NHS: variants seen among roughly 807,000 people sequenced by gnomAD.
NHS encodes NHS actin remodeling regulator.
Under a neutral mutation model 72.5 loss-of-function variants are expected in NHS, and 5 were observed. The observed-to-expected ratio is 0.07, with a 90% confidence interval of 0.04 to 0.14. The LOEUF (loss-of-function observed/expected upper bound fraction) is 0.14, where lower values mean the gene tolerates loss of function less well. Ranked by LOEUF, NHS falls within the 10% of genes least tolerant of loss-of-function variation. The probability of loss-of-function intolerance (pLI) is 1.00; values close to 1 mark genes in which losing one functional copy is unlikely to be tolerated. For synonymous variants in NHS, 464 were observed against 547.7 expected (o/e 0.85, Z 2.13); for missense variants, 1,072 against 1,355.7 (o/e 0.79, Z 3.29).
chrX:17,377,756 G>C (rs748856176), intron 1 of NHS, among the ~76,000 whole-genome samples: 30 of 113,396 alleles, frequency 2.6e-4, no homozygotes, highest in Non-Finnish European at 2.4e-4. Flanking sequence ...TGATGTGCTC[G>C]ATCGGTTTTC....
At chrX:17,572,089 T>C (rs2065482410) in intron 1 of NHS, among the ~76,000 whole-genome samples, 1 of 111,970 alleles carries the variant, frequency 8.9e-6, no homozygotes, top group African/African-American at 3.3e-5. Context: ...CTTCCAATTA[T>C]GTGGTCAATT....
rs374726103 is a variant in NHS, at chrX:17,555,228, A to AT, written c.566-132498dup. 3.1e-3 allele frequency among the ~76,000 whole-genome samples: 247 copies of AT among 80,401 alleles called. 2 individuals carry two copies. Among genetic ancestry groups the AT allele is most frequent in the Non-Finnish European group, 4.1e-3 (160 of 39,437 alleles). The allele number at this position is 80,401 out of a possible 115,157, so 69.8% of individuals were successfully genotyped here. ...AGTGGGGTGGGGCTGGCAGCGGGTTATTTTTTTTTTTTTTTTCAAACCTTG... is the reference window on the plus strand; with the variant it reads ...AGTGGGGTGGGGCTGGCAGCGGGTTATTTTTTTTTTTTTTTTTCAAACCTTG... On this transcript the variant is annotated intron_variant, in intron 1 of 8. Coordinates refer to ENST00000676302, the MANE Select transcript of NHS (RefSeq NM_001291867.2).
At chrX:17,674,449 T>A (rs188501965) in intron 1 of NHS, among the ~76,000 whole-genome samples, 1 of 112,518 alleles carries the variant, frequency 8.9e-6, no homozygotes, top group Non-Finnish European at 1.9e-5. Context: ...AATATTCAAC[T>A]ATTTTGACCT....
rs2066489070 is a variant in NHS, at chrX:17,731,887, A to G, written c.4379A>G (p.Asp1460Gly). ...AAGAGGAAAGTACTTGGAAGAAAAG[A>G]TTCCGGGGACATGTCTGTTCGAAGC... ...RSKRKVLGRK[D>G]SGDMSVRSKS... The change falls in exon 9 of 9, where the codon GAT becomes GGT. Residue 1460 changes from aspartate (D) to glycine (G), a missense_variant. Asp to Gly is a moderately conservative substitution (Grantham distance 94). Coordinates refer to ENST00000676302, the MANE Select transcript of NHS (RefSeq NM_001291867.2). 8.3e-7 allele frequency: 1 copy of G among 1,202,524 alleles called. No homozygotes were observed. Among genetic ancestry groups the G allele is most frequent in the Non-Finnish European group, 1.1e-6 (1 of 890,162 alleles).
chrX:17,425,928 C>T (rs1183577745), intron 1 of NHS: 2 of 112,486 alleles, frequency 1.8e-5, no homozygotes, highest in African/African-American at 3.2e-5. Flanking sequence ...CTGTGATGTC[C>T]AGGAGATCCA....
At chrX:17,501,456 C>T (rs1482959383) in intron 1 of NHS, among the ~76,000 whole-genome samples, 1 of 110,933 alleles carries the variant, frequency 9.0e-6, no homozygotes, top group Non-Finnish European at 1.9e-5. Context: ...GTGGGTGGGG[C>T]CCGCACAGTG....
intron 3 of NHS, among the ~76,000 whole-genome samples, chrX:17,701,016 A>G (rs2066260676): frequency 8.9e-6 from 1 of 112,136 alleles, no homozygotes. Flanking sequence ...TACCTTTTCT[A>G]TGTTTACCTG....
At chrX:17,710,515 T>C (rs936678453) in intron 3 of NHS, among the ~76,000 whole-genome samples, 3 of 112,378 alleles carry the variant, frequency 2.7e-5, no homozygotes, top group African/African-American at 9.7e-5. Flanking sequence ...TTATTCTGGG[T>C]GAAAGAAACC....
intron 1 of NHS, among the ~76,000 whole-genome samples, chrX:17,620,654 C>A (rs2065768616): frequency 9.0e-6 from 1 of 110,946 alleles, no homozygotes; most frequent in Non-Finnish European, 1.9e-5. Context: ...CCCGAAGATT[C>A]CATAGTCAGG....
chrX:17,537,628 C>G (rs1000594448), intron 1 of NHS, among the ~76,000 whole-genome samples: 15 of 112,139 alleles, frequency 1.3e-4, no homozygotes. Flanking sequence ...AGCAGAGTGG[C>G]TAAGTCAAGT....
At chrX:17,420,610 C>T (rs2064618552) in intron 1 of NHS, among the ~76,000 whole-genome samples, 1 of 112,062 alleles carries the variant, frequency 8.9e-6, no homozygotes, top group Non-Finnish European at 1.9e-5. Flanking sequence ...ATCCATCTGT[C>T]GTTCACCAGA....
At chrX:17,516,926 G>A (rs1033816651) in intron 1 of NHS, among the ~76,000 whole-genome samples, 1 of 112,461 alleles carries the variant, frequency 8.9e-6, no homozygotes, top group African/African-American at 3.2e-5. Context: ...CAAGTTTGAT[G>A]AAAGACATCA....
At chrX:17,673,419 A>G (rs1462372189) in intron 1 of NHS, among the ~76,000 whole-genome samples, 1 of 111,329 alleles carries the variant, frequency 9.0e-6, no homozygotes, top group African/African-American at 3.3e-5. Flanking sequence ...TGGGGCAGAA[A>G]GATCTTGGGC....
chrX:17,616,761 C>A (rs951379926), intron 1 of NHS, among the ~76,000 whole-genome samples: 2 of 112,115 alleles, frequency 1.8e-5, no homozygotes, highest in African/African-American at 6.5e-5. Flanking sequence ...AAAATTTTCC[C>A]AATAACTGGA....
At chrX:17,420,242 A>G (rs1435580573) in intron 1 of NHS, among the ~76,000 whole-genome samples, 1 of 112,285 alleles carries the variant, frequency 8.9e-6, no homozygotes, top group Non-Finnish European at 1.9e-5. Context: ...TTTATTTGCT[A>G]GTGCTTTGTT....
chrX:17,509,251 G>A (rs1426717262), intron 1 of NHS, among the ~76,000 whole-genome samples: 2 of 108,687 alleles, frequency 1.8e-5, no homozygotes, highest in African/African-American at 6.9e-5. Flanking sequence ...TTATGAGACA[G>A]AGTCTTACTC....
intron 1 of NHS, among the ~76,000 whole-genome samples, chrX:17,607,323 C>G (rs2065685518): frequency 8.9e-6 from 1 of 111,846 alleles, no homozygotes. Context: ...CAAGCATCTC[C>G]TCTTAAGCAC....
intron 2 of NHS, among the ~76,000 whole-genome samples, chrX:17,690,805 T>C (rs1177972506): frequency 8.9e-6 from 1 of 112,215 alleles, no homozygotes; most frequent in Non-Finnish European, 1.9e-5. Flanking sequence ...CTCTGATTAC[T>C]TTTTTTCCCC....
At position 17,659,909 on chromosome X, in the gene NHS, C is replaced by T. The variant is rs186174500; in HGVS notation, c.566-27833C>T. ...GCAAACAAGTGACAAATTTGGGATT[C>T]GATCCTGGGCACTATGGCTCCAGAA... On this transcript the variant is annotated intron_variant, in intron 1 of 8. Coordinates refer to ENST00000676302, the MANE Select transcript of NHS (RefSeq NM_001291867.2). Among the ~76,000 whole-genome samples, 3 of 112,066 alleles carry T rather than the reference C, an allele frequency of 2.7e-5. No homozygotes were observed. The East Asian group carries it at 8.4e-4, about 31-fold the overall frequency.
Sources: gnomAD v4.1 joint callset for allele counts (sites outside exome capture counted in the v4.1 genomes callset) on GRCh38, gnomAD v4.1.1 for gene constraint, MANE v1.5 for transcripts, NCBI Gene and HGNC (gene_info 2026-07-23, HGNC 2026-07-21) for gene names.